Variants in ARL15 observed in about 807,000 individuals in gnomAD.
ARL15 encodes the protein ARF like GTPase 15, also known as ADP-ribosylation factor-like protein 15.
ARL15 carries 19 observed loss-of-function variants against 25.2 expected under a neutral mutation model. That is an observed-to-expected ratio of 0.75 (90% CI 0.53 to 1.10). ARL15 has a LOEUF of 1.10. ARL15 is among the 50% of genes least tolerant of loss of function. The probability of loss-of-function intolerance (pLI) is 0.00; values close to 1 mark genes in which losing one functional copy is unlikely to be tolerated. For synonymous variants in ARL15, 94 were observed against 86.8 expected (o/e 1.08, Z -0.46); for missense variants, 220 against 246.0 (o/e 0.89, Z 0.71).
chr5:54,000,468 T>A (rs775966577), intron 4 of ARL15, among the ~76,000 whole-genome samples: 1 of 152,098 alleles, frequency 6.6e-6, no homozygotes, highest in African/African-American at 2.4e-5. Flanking sequence ...TTCAGAAGGG[T>A]TGAAACTGAG....
chr5:53,928,101 C>T (rs1746089731), intron 4 of ARL15, among the ~76,000 whole-genome samples: 1 of 152,154 alleles, frequency 6.6e-6, no homozygotes, highest in South Asian at 2.1e-4. Context: ...CAGAGCCAGA[C>T]TGACGGTAAC....
Position 54,298,056 on chromosome 5 carries a change from C to A in ARL15, c.48+12376G>T, listed in dbSNP as rs1274244969. 2.0e-5 allele frequency among the ~76,000 whole-genome samples: 3 copies of A among 152,304 alleles called. No homozygotes were observed. In the East Asian group the frequency reaches 5.8e-4, roughly 29 times the overall value. ...TCGGCCTCCCAAAGTGCTGGGATTACAGGCGTGAGAAAGTAGAAGAAAGTA... is the reference window on the plus strand; with the variant it reads ...TCGGCCTCCCAAAGTGCTGGGATTAAAGGCGTGAGAAAGTAGAAGAAAGTA... On this transcript the variant is annotated intron_variant, in intron 1 of 4. Transcript: ENST00000504924.
intron 3 of ARL15, among the ~76,000 whole-genome samples, chr5:54,129,996 G>C (rs931495919): frequency 5.9e-5 from 9 of 152,106 alleles, no homozygotes; most frequent in Non-Finnish European, 1.2e-4. Context: ...CCCAGCACTT[G>C]GGGAGGCCAA....
At chr5:54,227,662 C>A (rs1246068732) in intron 1 of ARL15, among the ~76,000 whole-genome samples, 1 of 152,194 alleles carries the variant, frequency 6.6e-6, no homozygotes, top group Non-Finnish European at 1.5e-5. Context: ...CACAGGGCAG[C>A]TAAAACATAA....
chr5:53,907,479 T>TATATATAC (rs1745294601), intron 4 of ARL15, among the ~76,000 whole-genome samples: 4 of 35,214 alleles, frequency 1.1e-4, no homozygotes, highest in African/African-American at 5.1e-4. Flanking sequence ...TATATATATA[T>TATATATAC]ATATATATAT....
At chr5:54,045,926 G>C (rs991937186) in intron 4 of ARL15, among the ~76,000 whole-genome samples, 2 of 152,126 alleles carry the variant, frequency 1.3e-5, no homozygotes, top group African/African-American at 4.8e-5. Context: ...TACTTGATTG[G>C]TATTTCCTGC....
chr5:54,064,568 G>A (rs1751161235), intron 4 of ARL15, among the ~76,000 whole-genome samples: 1 of 152,132 alleles, frequency 6.6e-6, no homozygotes. Flanking sequence ...AAGCTATACA[G>A]CCAGTTTTCC....
At position 53,952,815 on chromosome 5, in the gene ARL15, A is replaced by C. The variant is rs1747021788; in HGVS notation, c.463-66102T>G. ...GGATTTCACAGTGTCAGGAGAAAGG[A>C]AAGTCTATAAAAAGAAACTCAAGGT... is the stretch of plus-strand genomic sequence containing the variant. On this transcript the variant is annotated intron_variant, in intron 4 of 4. Transcript: ENST00000504924. 2.0e-5 allele frequency among the ~76,000 whole-genome samples: 3 copies of C among 152,196 alleles called. No individual in the cohort carries two copies. The South Asian group carries it at 6.2e-4, about 32-fold the overall frequency.
chr5:54,154,879 T>C (rs569936222), intron 2 of ARL15, among the ~76,000 whole-genome samples: 1 of 152,186 alleles, frequency 6.6e-6, no homozygotes, highest in African/African-American at 2.4e-5. Context: ...TCCCAACACT[T>C]TGGGAAGCCA....
At chr5:54,283,121 C>T (rs35927) in intron 1 of ARL15, among the ~76,000 whole-genome samples, 42,212 of 152,094 alleles carry the variant, frequency 0.28, 7,084 homozygotes, top group African/African-American at 0.48. Flanking sequence ...TCAGCAATCA[C>T]GGTTTTATCC....
At chr5:54,156,632 G>A (rs1261817481) in intron 2 of ARL15, among the ~76,000 whole-genome samples, 1 of 152,218 alleles carries the variant, frequency 6.6e-6, no homozygotes, top group Non-Finnish European at 1.5e-5. Context: ...TTGTTGGAGT[G>A]ACGAAGATGT....
chr5:54,206,879 T>A (rs1467412457), intron 1 of ARL15, among the ~76,000 whole-genome samples: 2 of 152,170 alleles, frequency 1.3e-5, no homozygotes, highest in South Asian at 2.1e-4. Flanking sequence ...ATAATGAATA[T>A]ACAAAGCCCA....
intron 4 of ARL15, among the ~76,000 whole-genome samples, chr5:53,963,003 C>T (rs941102923): frequency 5.3e-5 from 8 of 151,920 alleles, no homozygotes; most frequent in Non-Finnish European, 1.0e-4. Flanking sequence ...CCTGGCACCT[C>T]GATAGTACCA....
intron 2 of ARL15, among the ~76,000 whole-genome samples, chr5:54,162,633 T>C (rs1349454927): frequency 6.6e-6 from 1 of 152,162 alleles, no homozygotes. Flanking sequence ...CTGAATGAAC[T>C]CAATATTTGG....
At chr5:53,973,092 A>G (rs1236591472) in intron 4 of ARL15, among the ~76,000 whole-genome samples, 1 of 152,230 alleles carries the variant, frequency 6.6e-6, no homozygotes, top group Non-Finnish European at 1.5e-5. Flanking sequence ...TAGTGATGAC[A>G]ATGGCAGTGA....
At chr5:54,212,638 A>C (rs2112510647) in intron 1 of ARL15, among the ~76,000 whole-genome samples, 1 of 152,354 alleles carries the variant, frequency 6.6e-6, no homozygotes, top group Admixed American at 6.5e-5. Flanking sequence ...TGGGTGTACA[A>C]TGAACAGTGT....
chr5:54,154,696 C>T (rs1754170684), intron 2 of ARL15, 57 bp from the exon 3 acceptor site: 5 of 1,046,122 alleles, frequency 4.8e-6, no homozygotes, highest in Non-Finnish European at 6.9e-6. Flanking sequence ...AATTAAAACA[C>T]TTAGGATGCT....
chr5:54,153,172 ATAT>A (rs1252025903), intron 3 of ARL15, among the ~76,000 whole-genome samples: 1 of 152,220 alleles, frequency 6.6e-6, no homozygotes, highest in Non-Finnish European at 1.5e-5. Context: ...TCCATAAGTA[ATAT>A]TATTGTCACC....
intron 1 of ARL15, among the ~76,000 whole-genome samples, chr5:54,247,473 C>A (rs1757117989): frequency 6.6e-6 from 1 of 151,534 alleles, no homozygotes; most frequent in South Asian, 2.1e-4. Flanking sequence ...GCATACTCTG[C>A]TAAACTCAAC....
Sources: gnomAD v4.1 joint callset for allele counts (sites outside exome capture counted in the v4.1 genomes callset) on GRCh38, gnomAD v4.1.1 for gene constraint, MANE v1.5 for transcripts, NCBI Gene and HGNC (gene_info 2026-07-23, HGNC 2026-07-21) for gene names.